The following GBF1 variants were observed in gnomAD, a reference collection of about 807,000 sequenced individuals.
GBF1 encodes golgi brefeldin A resistant guanine nucleotide exchange factor 1, also known as Golgi-specific brefeldin A-resistance guanine nucleotide exchange factor 1.
Under a neutral mutation model 210.5 loss-of-function variants are expected in GBF1, and 114 were observed. The ratio of observed to expected loss-of-function variants is 0.54; its 90% confidence interval spans 0.47 to 0.63. GBF1 has a LOEUF of 0.63. Ranked by LOEUF, GBF1 falls within the 30% of genes least tolerant of loss-of-function variation. GBF1 has a pLI of 0.00. For synonymous variants in GBF1, 850 were observed against 889.2 expected (o/e 0.96, Z 0.78); for missense variants, 1,851 against 2,357.7 (o/e 0.79, Z 4.45).
chr10:102,366,488 A>T lies in GBF1; in HGVS notation c.2415A>T (p.Ala805=). 4 of 1,613,806 alleles carry T rather than the reference A, an allele frequency of 2.5e-6. No homozygotes were observed. Among genetic ancestry groups the T allele is most frequent in the Non-Finnish European group, 3.4e-6 (4 of 1,179,884 alleles). Residue 805 remains alanine, a synonymous_variant, in exon 19 of 40, where the codon GCA becomes GCT. Coordinates refer to ENST00000369983, the MANE Select transcript of GBF1 (RefSeq NM_001377137.1). This position sits in a 1 kb window ranked among gnomAD's most constrained non-coding sequence, Gnocchi z 4.0. ...CAGTCATCCAGAGGTTGCTGGAGGC[A>T]TTCACAGAGCGTTGGATGGTGAGTT... The part of the protein sequence containing the change: ...EAPVIQRLLE[A]FTERWMNCNG...
Position 102,376,723 on chromosome 10 carries a change from C to T in GBF1, c.4211C>T (p.Ala1404Val). The T allele has an allele frequency of 6.2e-7, 1 of 1,610,936 alleles. No homozygotes were observed. The highest frequency in any genetic ancestry group is 8.5e-7 in the Non-Finnish European group (1 of 1,178,866). The change falls in exon 32 of 40, where the codon GCT (alanine) becomes GTT (valine). Residue 1404 changes from alanine to valine, a missense_variant. Around this residue, in one of 3 missense-constraint regions of GBF1, gnomAD observed 967 missense variants for 1,247.7 expected, o/e 0.78. Transcript: ENST00000369983. ...VESLSFIVRDAAHITPDNFEL... is the reference protein window; with the variant it reads ...VESLSFIVRDVAHITPDNFEL... Reference sequence around the variant, plus strand: ...TCGCTGTCCTTCATTGTGCGTGATGCTGCCCACATCACACCTGACAACTTT... The same window carrying T: ...TCGCTGTCCTTCATTGTGCGTGATGTTGCCCACATCACACCTGACAACTTT...
At chr10:102,279,739 G>C (rs1354665220) in intron 3 of GBF1, among the ~76,000 whole-genome samples, 1 of 152,034 alleles carries the variant, frequency 6.6e-6, no homozygotes, top group Non-Finnish European at 1.5e-5. Context: ...GTTTTTTATT[G>C]TTATTACTAC....
At chr10:102,313,507 T>C (rs1021522416) in intron 3 of GBF1, among the ~76,000 whole-genome samples, 1 of 152,140 alleles carries the variant, frequency 6.6e-6, no homozygotes, top group African/African-American at 2.4e-5. Flanking sequence ...TATGAGCTCG[T>C]CTGGACTGGG....
intron 3 of GBF1, among the ~76,000 whole-genome samples, chr10:102,342,651 T>A (rs945497921): frequency 1.3e-5 from 2 of 151,962 alleles, no homozygotes; most frequent in Non-Finnish European, 2.9e-5. Flanking sequence ...AGTAGGCAGC[T>A]CCCTATATTT....
intron 3 of GBF1, among the ~76,000 whole-genome samples, chr10:102,336,653 C>A (rs1034394184): frequency 2.0e-5 from 3 of 152,168 alleles, no homozygotes; most frequent in African/African-American, 7.2e-5. Flanking sequence ...AGTTGCAGAA[C>A]TGGGATTTGA....
At chr10:102,350,884 G>A (rs1193593033) in intron 4 of GBF1, among the ~76,000 whole-genome samples, 1 of 152,032 alleles carries the variant, frequency 6.6e-6, no homozygotes, top group Non-Finnish European at 1.5e-5. Flanking sequence ...AGGAGTTCAA[G>A]ACCAGCCTAG....
chr10:102,269,567 G>C (rs530811963), intron 3 of GBF1, among the ~76,000 whole-genome samples: 1 of 152,232 alleles, frequency 6.6e-6, no homozygotes, highest in Non-Finnish European at 1.5e-5. Context: ...TCTAAAAGTA[G>C]AGGGACAAAT....
intron 7 of GBF1, 125 bp downstream of exon 7, chr10:102,352,643 T>TG: frequency 1.4e-6 from 1 of 706,944 alleles, no homozygotes; most frequent in African/African-American, 1.7e-5. Flanking sequence ...GGATTATGGA[T>TG]GGGGGGTAGT....
At position 102,381,391 on chromosome 10, in the gene GBF1, C is replaced by T; in HGVS notation, c.5302+136C>T. 2 of 790,036 alleles carry T rather than the reference C, an allele frequency of 2.5e-6. 1 individual carries two copies. The highest frequency in any genetic ancestry group is 3.5e-5 in the South Asian group (2 of 57,252). 48.9% of individuals were successfully genotyped at this position (790,036 alleles called of 1,614,324 possible). A position where few individuals can be genotyped will look rare whatever the true frequency, so the allele number is the denominator to read the frequency against. On this transcript the variant is annotated intron_variant, in intron 39 of 39. Coordinates refer to ENST00000369983, the MANE Select transcript of GBF1 (RefSeq NM_001377137.1). ...AGAAGGCCACTAGAGAGAACTGTTGCCGCTCTTCCCATGGGAAATGACAGG... is the reference window on the plus strand; with the variant it reads ...AGAAGGCCACTAGAGAGAACTGTTGTCGCTCTTCCCATGGGAAATGACAGG...
chr10:102,241,648 G>A (rs1295386246), upstream of GBF1, among the ~76,000 whole-genome samples: 2 of 152,258 alleles, frequency 1.3e-5, no homozygotes, highest in Non-Finnish European at 2.9e-5. The surrounding 1 kb of genome is among the most constrained non-coding windows in gnomAD (Gnocchi z 6.7). Flanking sequence ...TGGATCTCCA[G>A]GCCCCGCCTT....
chr10:102,350,436 T>C (rs1030474964), intron 4 of GBF1, among the ~76,000 whole-genome samples: 6 of 151,996 alleles, frequency 3.9e-5, no homozygotes, highest in Admixed American at 2.0e-4. Context: ...TTCCTCCTCC[T>C]GCTCCCCTAA....
Position 102,353,647 on chromosome 10 carries a change from T to C in GBF1, c.632T>C (p.Met211Thr), listed in dbSNP as rs1298341462. ...EEPKNYVGTN[M>T]KKLKMRAGGM... ...CCCAAGAACTATGTGGGGACCAACATGAAGAAGGTATGATCTGAGAGCTGA... is the reference window on the plus strand; with the variant it reads ...CCCAAGAACTATGTGGGGACCAACACGAAGAAGGTATGATCTGAGAGCTGA... The change falls in exon 8 of 40, where the codon ATG becomes ACG. Residue 211 changes from methionine (M) to threonine (T), a missense_variant. By Grantham distance (81) the Met-to-Thr change is moderately conservative. Coordinates refer to ENST00000369983, the MANE Select transcript of GBF1 (RefSeq NM_001377137.1). 1.9e-6 allele frequency: 3 copies of C among 1,608,756 alleles called. No individual in the cohort carries two copies.
Position 102,352,077 on chromosome 10 carries a change from T to C in GBF1, c.523+126T>C, listed in dbSNP as rs142464893. The C allele has an allele frequency of 2.9e-3, 1,989 of 678,168 alleles. 17 individuals are homozygous for C. The highest frequency in any genetic ancestry group is 0.014 in the South Asian group (841 of 60,956). 42.0% of individuals were successfully genotyped at this position (678,168 alleles called of 1,614,324 possible). A position where few individuals can be genotyped will look rare whatever the true frequency, so the allele number is the denominator to read the frequency against. The stretch of plus-strand genomic sequence containing the variant: ...CTCCATCATCTATCTCATGCGATCA[T>C]AGGGGTCTAGAAGAAATGTCTGTAC... On this transcript the variant is annotated intron_variant, in intron 6 of 39. Transcript: ENST00000369983.
chr10:102,377,938 G>A (rs2060605717), intron 33 of GBF1, among the ~76,000 whole-genome samples: 1 of 152,114 alleles, frequency 6.6e-6, no homozygotes. Context: ...TGACAAAAGT[G>A]GCTGGGCTTG....
chr10:102,249,748 G>C (rs2071273592), intron 1 of GBF1, among the ~76,000 whole-genome samples: 1 of 150,868 alleles, frequency 6.6e-6, no homozygotes, highest in South Asian at 2.1e-4. Context: ...CTGGAGTGCA[G>C]TGGTGTGATC....
chr10:102,313,144 G>T (rs1249207100), intron 3 of GBF1, among the ~76,000 whole-genome samples: 1 of 152,180 alleles, frequency 6.6e-6, no homozygotes, highest in African/African-American at 2.4e-5. Context: ...AAGAGGAATT[G>T]TGCTGCTGAG....
intron 3 of GBF1, among the ~76,000 whole-genome samples, chr10:102,306,549 G>A (rs1426709442): frequency 2.6e-5 from 4 of 152,132 alleles, no homozygotes; most frequent in Admixed American, 6.5e-5. Context: ...TCAGCCTCCC[G>A]AGTAGCTGGG....
At position 102,369,849 on chromosome 10, in the gene GBF1, C is replaced by T. The variant is rs1249011504; in HGVS notation, c.3216-12C>T. 12 of 1,614,122 alleles carry T rather than the reference C, an allele frequency of 7.4e-6. No individual in the cohort carries two copies. Among genetic ancestry groups the T allele is most frequent in the Non-Finnish European group, 1.0e-5 (12 of 1,180,006 alleles). On this transcript the variant is annotated splice_polypyrimidine_tract_variant and intron_variant, in intron 25 of 39. Coordinates refer to ENST00000369983, the MANE Select transcript of GBF1 (RefSeq NM_001377137.1). ...TTTGGGGCTCACCAGGCCATGTGCC[C>T]TTTTTCTACAGAGGAGAGTCAACAG...
At chr10:102,320,742 C>T (rs2056313513) in intron 3 of GBF1, among the ~76,000 whole-genome samples, 1 of 151,778 alleles carries the variant, frequency 6.6e-6, no homozygotes, top group Non-Finnish European at 1.5e-5. Flanking sequence ...TTTCTTTTCA[C>T]CTCAAGATCA....
Sources: gnomAD v4.1 joint callset for allele counts (sites outside exome capture counted in the v4.1 genomes callset) on GRCh38, gnomAD v4.1.1 for gene constraint, gnomAD v4.1.1 regional missense constraint, Gnocchi (gnomAD v3.1) non-coding constraint, MANE v1.5 for transcripts, NCBI Gene and HGNC (gene_info 2026-07-23, HGNC 2026-07-21) for gene names.